SATL1: variants seen among roughly 807,000 people sequenced by gnomAD.
SATL1 encodes the protein spermidine/spermine N(1)-acetyltransferase-like protein 1.
SATL1 carries 47 observed loss-of-function variants against 51.8 expected under a neutral mutation model. That is an observed-to-expected ratio of 0.91 (90% confidence interval 0.72 to 1.16). The LOEUF (loss-of-function observed/expected upper bound fraction) is 1.16. SATL1 is among the 50% of genes most tolerant of loss of function. The probability of loss-of-function intolerance (pLI) is 0.00; values close to 1 mark genes in which losing one functional copy is unlikely to be tolerated. For synonymous variants in SATL1, 176 were observed against 182.4 expected (o/e 0.97, Z 0.28); for missense variants, 520 against 526.4 (o/e 0.99, Z 0.12).
At chrX:85,152,040 T>C (rs1261555765) in intron 2 of SATL1, among the ~76,000 whole-genome samples, 3 of 109,223 alleles carry the variant, frequency 2.7e-5, no homozygotes, top group African/African-American at 1.0e-4. Context: ...ACCTACAAAA[T>C]GGGAGAAAAT....
intron 2 of SATL1, chrX:85,212,824 G>A (rs1927957183): frequency 9.1e-6 from 1 of 110,482 alleles, no homozygotes; most frequent in Non-Finnish European, 1.9e-5. Flanking sequence ...TTCTTTGTAT[G>A]TATTATGCAT....
chrX:85,193,679 A>T (rs1172119248), intron 2 of SATL1, among the ~76,000 whole-genome samples: 1 of 111,112 alleles, frequency 9.0e-6, no homozygotes, highest in Non-Finnish European at 1.9e-5. Context: ...CCCAGCCTCC[A>T]CCCTTAACTA....
chrX:85,210,814 T>A (rs1320609699), intron 2 of SATL1: 1 of 111,788 alleles, frequency 8.9e-6, no homozygotes, highest in East Asian at 2.8e-4. Context: ...TTTATTGTAA[T>A]TTTCTGTTTT....
At chrX:85,163,783 G>C (rs775122272) in intron 2 of SATL1, among the ~76,000 whole-genome samples, 1 of 111,706 alleles carries the variant, frequency 9.0e-6, no homozygotes, top group African/African-American at 3.2e-5. Context: ...CATTTGTTCT[G>C]GGGTATAGTT....
At chrX:85,101,997 T>C (rs1259381337) in intron 4 of SATL1, among the ~76,000 whole-genome samples, 1 of 109,864 alleles carries the variant, frequency 9.1e-6, no homozygotes, top group Non-Finnish European at 1.9e-5. Flanking sequence ...AGTAGAATAG[T>C]AGTTATGAGA....
chrX:85,208,313 T>C (rs943807949), intron 2 of SATL1, among the ~76,000 whole-genome samples: 2 of 111,955 alleles, frequency 1.8e-5, no homozygotes, highest in African/African-American at 3.3e-5. Flanking sequence ...TGATGGACAT[T>C]TGGATTGGTT....
chrX:85,215,991 G>C (rs1411117000), intron 2 of SATL1, among the ~76,000 whole-genome samples: 1 of 112,079 alleles, frequency 8.9e-6, no homozygotes, highest in African/African-American at 3.2e-5. Flanking sequence ...AATACCTAAT[G>C]CTAGGTAATA....
intron 4 of SATL1, among the ~76,000 whole-genome samples, chrX:85,095,918 G>A (rs1230836083): frequency 3.0e-5 from 3 of 101,580 alleles, no homozygotes; most frequent in South Asian, 1.1e-3. Flanking sequence ...CACAGAGAAC[G>A]CCCTGTAATG....
intron 1 of SATL1, among the ~76,000 whole-genome samples, chrX:85,233,331 C>T (rs1398904911): frequency 8.9e-6 from 1 of 111,933 alleles, no homozygotes; most frequent in Non-Finnish European, 1.9e-5. Flanking sequence ...TCCAAACAAG[C>T]CCAGACTCTG....
chrX:85,226,936 T>C (rs1042944700), intron 1 of SATL1, among the ~76,000 whole-genome samples: 4 of 111,286 alleles, frequency 3.6e-5, no homozygotes, highest in Non-Finnish European at 7.6e-5. Context: ...TCATGTCCAC[T>C]TTCCCCTCTA....
chrX:85,129,066 G>A (rs756870535), intron 2 of SATL1, among the ~76,000 whole-genome samples: 2 of 111,891 alleles, frequency 1.8e-5, no homozygotes, highest in African/African-American at 3.3e-5. Flanking sequence ...AGTATAGCTT[G>A]AAGTCAGGTA....
At chrX:85,094,851 G>A (rs1286846767) in intron 5 of SATL1, 65 bp downstream of exon 5, 1 of 696,032 alleles carries the variant, frequency 1.4e-6, no homozygotes, top group Non-Finnish European at 2.3e-6. Context: ...CTACAAAACT[G>A]TACTATTTTT....
intron 2 of SATL1, among the ~76,000 whole-genome samples, chrX:85,154,073 G>C (rs1471705262): frequency 9.0e-6 from 1 of 111,680 alleles, no homozygotes; most frequent in Non-Finnish European, 1.9e-5. Context: ...ACAAAAGTCA[G>C]ATTAACACTG....
chrX:85,232,912 A>G (rs1260951172), intron 1 of SATL1, among the ~76,000 whole-genome samples: 1 of 110,834 alleles, frequency 9.0e-6, no homozygotes, highest in Non-Finnish European at 1.9e-5. Context: ...GCTTCACAAC[A>G]TCCAGATTGT....
rs144225723 is a variant in SATL1, at chrX:85,243,009, C to T, written c.-435+579G>A. On this transcript the variant is annotated intron_variant, in intron 1 of 7. Transcript: ENST00000644105. ...CCGGCCCTTCATAGGGAAAGTTTGC[C>T]GACTCCTGGTCTACTATGAGCCAGG... Among the ~76,000 whole-genome samples the T allele has an allele frequency of 1.8e-4, 20 of 111,720 alleles. No individual in the cohort carries two copies. In the South Asian group the frequency reaches 4.5e-3, roughly 25 times the overall value.
At chrX:85,147,161 A>G (rs1468381060) in intron 2 of SATL1, among the ~76,000 whole-genome samples, 3 of 114,724 alleles carry the variant, frequency 2.6e-5, no homozygotes, top group Non-Finnish European at 5.6e-5. Flanking sequence ...GCACACCAGG[A>G]GATTATATCC....
intron 2 of SATL1, among the ~76,000 whole-genome samples, chrX:85,151,634 A>G (rs1228681254): frequency 9.0e-6 from 1 of 111,264 alleles, no homozygotes; most frequent in East Asian, 2.8e-4. Flanking sequence ...GACCAATGGA[A>G]CAGAACAGAG....
At chrX:85,111,677 A>G (rs1224351864) in intron 2 of SATL1, among the ~76,000 whole-genome samples, 2 of 112,161 alleles carry the variant, frequency 1.8e-5, no homozygotes, top group Admixed American at 1.9e-4. Context: ...GTTTTAACAT[A>G]CTATTTTATT....
intron 5 of SATL1, among the ~76,000 whole-genome samples, chrX:85,094,689 T>A (rs1369795298): frequency 1.8e-5 from 2 of 111,304 alleles, no homozygotes; most frequent in Non-Finnish European, 3.8e-5. Flanking sequence ...CTGCAGTGAG[T>A]CATGATCATG....
Sources: allele counts gnomAD v4.1 joint callset (sites outside exome capture counted in the v4.1 genomes callset), GRCh38; gene constraint gnomAD v4.1.1; transcripts MANE v1.5; gene names NCBI Gene and HGNC (gene_info 2026-07-23, HGNC 2026-07-21).